Variants in CHRNA9 observed in about 807,000 individuals in gnomAD.
CHRNA9 encodes the protein neuronal acetylcholine receptor subunit alpha-9.
CHRNA9 carries 24 observed loss-of-function variants against 36.8 expected under a neutral mutation model. The observed-to-expected ratio is 0.65, with a 90% CI of 0.47 to 0.92. The LOEUF (loss-of-function observed/expected upper bound fraction) is 0.92. Ranked by LOEUF, CHRNA9 falls within the 40% of genes least tolerant of loss-of-function variation. The pLI is 0.00. For synonymous variants in CHRNA9, 231 were observed against 231.8 expected, an observed-to-expected ratio of 1.00 and a Z score of 0.03; for missense variants, 610 against 601.2, an observed-to-expected ratio of 1.01 and a Z score of -0.15.
chr4:40,346,204 C>T (rs981471716), intron 3 of CHRNA9, among the ~76,000 whole-genome samples: 2 of 152,158 alleles, frequency 1.3e-5, no homozygotes, highest in African/African-American at 4.8e-5. Context: ...TGTATTCCCT[C>T]GCTGTCTTCC....
At chr4:40,338,496 A>G (rs1712391518) in intron 3 of CHRNA9, among the ~76,000 whole-genome samples, 1 of 152,110 alleles carries the variant, frequency 6.6e-6, no homozygotes, top group African/African-American at 2.4e-5. Context: ...CTGGAACCCA[A>G]GTTTCTGTGG....
intron 4 of CHRNA9, among the ~76,000 whole-genome samples, chr4:40,353,050 C>T (rs971282412): frequency 1.2e-4 from 18 of 152,082 alleles, no homozygotes; most frequent in African/African-American, 4.1e-4. Flanking sequence ...ATTATTACAC[C>T]CACCACTTTA....
chr4:40,340,184 C>T (rs7655828), intron 3 of CHRNA9, among the ~76,000 whole-genome samples: 143,609 of 152,218 alleles, frequency 0.94, 67,908 homozygotes, highest in East Asian at 1. Context: ...GTGGCTTTGG[C>T]TGGTTCTGTC....
In CHRNA9 at chr4:40,339,839, T is replaced by A. The variant is rs112165060; in HGVS notation, c.365+2475T>A. Among the ~76,000 whole-genome samples the A allele has an allele frequency of 4.0e-3, 608 of 151,990 alleles. 6 individuals carry two copies. The highest frequency in any genetic ancestry group is 0.014 in the African/African-American group (583 of 41,434). On this transcript the variant is annotated intron_variant, in intron 3 of 4. Coordinates refer to ENST00000310169, the MANE Select transcript of CHRNA9 (RefSeq NM_017581.4). Reference sequence around the variant, plus strand: ...CACCATGCCTAGTTATTGTTTTTTTTAATTTTTAGTAGAGACAGAGTCTCA... The same window carrying A: ...CACCATGCCTAGTTATTGTTTTTTTAAATTTTTAGTAGAGACAGAGTCTCA...
At chr4:40,337,454 T>C (rs878953978) in intron 3 of CHRNA9, 90 bp downstream of exon 3, 1 of 1,401,742 alleles carries the variant, frequency 7.1e-7, no homozygotes, top group Non-Finnish European at 9.7e-7. Flanking sequence ...GTTTAAAACA[T>C]GCATGAAATT....
chr4:40,350,864 A>T (rs967186806), intron 4 of CHRNA9, among the ~76,000 whole-genome samples: 9 of 152,134 alleles, frequency 5.9e-5, no homozygotes, highest in African/African-American at 2.2e-4. Context: ...TTGAGGAAAG[A>T]TCATGGGGCG....
chr4:40,337,519 A>G (rs1351106075), intron 3 of CHRNA9, among the ~76,000 whole-genome samples, 155 bp downstream of exon 3: 2 of 152,256 alleles, frequency 1.3e-5, no homozygotes, highest in Non-Finnish European at 2.9e-5. Context: ...AGAATCTTAG[A>G]TCAGGAAATA....
intron 2 of CHRNA9, 132 bp from the exon 3 acceptor site, chr4:40,337,078 T>C (rs868317173): frequency 1.3e-6 from 1 of 774,792 alleles, no homozygotes; most frequent in African/African-American, 1.7e-5. Context: ...AAATAAAGAA[T>C]AAAGCTCTCA....
intron 3 of CHRNA9, among the ~76,000 whole-genome samples, chr4:40,339,409 A>G (rs1300337730): frequency 2.7e-5 from 4 of 148,604 alleles, no homozygotes; most frequent in Non-Finnish European, 5.9e-5. Context: ...GGGGCCAGGC[A>G]TGGTGGCTCA....
intron 4 of CHRNA9, among the ~76,000 whole-genome samples, chr4:40,351,902 A>G (rs1712813862): frequency 6.6e-6 from 1 of 152,254 alleles, no homozygotes; most frequent in South Asian, 2.1e-4. Context: ...GCTTTCTCAA[A>G]TATGTCGATT....
intron 4 of CHRNA9, among the ~76,000 whole-genome samples, chr4:40,350,693 T>TACAC (rs59972613): frequency 0.093 from 13,428 of 143,896 alleles, 677 homozygotes; most frequent in South Asian, 0.13. Context: ...CTTTGCAAAA[T>TACAC]ACACACACAC....
chr4:40,347,805 A>G (rs1257477854), intron 3 of CHRNA9: 1 of 152,240 alleles, frequency 6.6e-6, no homozygotes, highest in Non-Finnish European at 1.5e-5. Context: ...CCAGAATACC[A>G]CATTATATTT....
At chr4:40,341,707 T>C (rs1345063763) in intron 3 of CHRNA9, among the ~76,000 whole-genome samples, 1 of 152,230 alleles carries the variant, frequency 6.6e-6, no homozygotes, top group Non-Finnish European at 1.5e-5. Context: ...TTCGTTTCAA[T>C]AAATCTGAGC....
Position 40,349,093 on chromosome 4 carries a change from G to C in CHRNA9, c.577G>C (p.Asp193His), listed in dbSNP as rs756330316. The C allele has an allele frequency of 6.2e-7, 1 of 1,614,158 alleles. No homozygotes were observed. The highest frequency in any genetic ancestry group is 1.7e-5 in the Admixed American group (1 of 60,022). The change falls in exon 4 of 5, where the codon GAT becomes CAT. Residue 193 changes from aspartate to histidine, a missense_variant. Transcript: ENST00000310169. ...VDIFNALDSG[D>H]LSDFIEDVEW... ...CATATTCAACGCCTTGGACAGCGGAGATCTCTCTGACTTCATTGAAGATGT... is the reference window on the plus strand; with the variant it reads ...CATATTCAACGCCTTGGACAGCGGACATCTCTCTGACTTCATTGAAGATGT...
chr4:40,340,683 T>C (rs548378376), intron 3 of CHRNA9, among the ~76,000 whole-genome samples: 9 of 152,192 alleles, frequency 5.9e-5, no homozygotes, highest in African/African-American at 2.2e-4. Flanking sequence ...TCCAGTGTGA[T>C]AAAGACACTC....
chr4:40,339,105 C>T (rs529902828), intron 3 of CHRNA9, among the ~76,000 whole-genome samples: 6 of 149,906 alleles, frequency 4.0e-5, no homozygotes, highest in Admixed American at 1.3e-4. Context: ...TGGTGAAATC[C>T]GGTCTTTATT....
chr4:40,354,181 G>C lies in CHRNA9; in HGVS notation c.1101G>C (p.Arg367=), dbSNP rs772084122. 1.6e-4 allele frequency: 261 copies of C among 1,614,034 alleles called. No homozygotes were observed. The highest frequency in any genetic ancestry group is 2.1e-4 in the Non-Finnish European group (243 of 1,180,022). Residue 367 remains arginine, a synonymous_variant, in exon 5 of 5, where the codon CGG becomes CGC. Transcript: ENST00000310169. The part of the protein sequence containing the change: ...SCLSPHHSRE[R]DHLTKVYSKL... ...TCAGCCCGCACCACAGTAGAGAGCG[G>C]GACCACCTCACGAAAGTTTATAGCA...
At chr4:40,351,560 T>C (rs1055461427) in intron 4 of CHRNA9, among the ~76,000 whole-genome samples, 50 of 152,196 alleles carry the variant, frequency 3.3e-4, no homozygotes, top group Admixed American at 2.5e-3. Flanking sequence ...ATAGCACCCA[T>C]GGAGTGTGCT....
At chr4:40,344,500 C>A (rs1712583030) in intron 3 of CHRNA9, among the ~76,000 whole-genome samples, 1 of 151,654 alleles carries the variant, frequency 6.6e-6, no homozygotes, top group South Asian at 2.1e-4. Context: ...CACCACTGCA[C>A]CCCAGCCTGG....
Sources: gnomAD v4.1 joint callset for allele counts (sites outside exome capture counted in the v4.1 genomes callset) on GRCh38, gnomAD v4.1.1 for gene constraint, MANE v1.5 for transcripts, NCBI Gene and HGNC (gene_info 2026-07-23, HGNC 2026-07-21) for gene names.